Variants in DNAJC16 observed in about 807,000 individuals in gnomAD.
DNAJC16 encodes DnaJ heat shock protein family (Hsp40) member C16, also known as dnaJ homolog subfamily C member 16.
In DNAJC16, 76 loss-of-function variants were observed where a neutral mutation model predicts 92.7. That is an observed-to-expected ratio of 0.82 (90% confidence interval 0.68 to 0.99). DNAJC16 has a LOEUF of 0.99. Among genes scored for constraint, DNAJC16 ranks in the 50% least tolerant of loss-of-function variants. DNAJC16 has a pLI of 0.00. For missense variants in DNAJC16, 869 were observed against 942.4 expected, an observed-to-expected ratio of 0.92 and a Z score of 1.02; for synonymous variants, 328 against 358.7, an observed-to-expected ratio of 0.91 and a Z score of 0.97.
Position 15,540,739 on chromosome 1 carries a change from C to G in DNAJC16, c.575-3660C>G, listed in dbSNP as rs547322014. ...GGCATGAATCACCGTGCCCAGCCAA[C>G]TTTTCAGTTTCTAATTCAGGTTTCT... On this transcript the variant is annotated intron_variant, in intron 4 of 14. Transcript: ENST00000375847. 4.0e-4 allele frequency among the ~76,000 whole-genome samples: 61 copies of G among 152,274 alleles called. 1 individual carries two copies. Among genetic ancestry groups the G allele is most frequent in the African/African-American group, 1.4e-3 (59 of 41,550 alleles).
chr1:15,566,552 C>G, intron 13 of DNAJC16: 1 of 220,150 alleles, frequency 4.5e-6, no homozygotes, highest in Non-Finnish European at 9.1e-6. Flanking sequence ...TGATAGTTGT[C>G]TTCTTCATTC....
Position 15,544,588 on chromosome 1 carries a change from G to A in DNAJC16, c.759+5G>A. The A allele has an allele frequency of 6.2e-7, 1 of 1,613,898 alleles. No homozygotes were observed. Among genetic ancestry groups the A allele is most frequent in the Admixed American group, 1.7e-5 (1 of 60,012 alleles). ...CCAGGGAACTTGGTGGAGAAAGTAAGTATCTGTCAAGGAAACTATGGCTGA... is the reference window on the plus strand; with the variant it reads ...CCAGGGAACTTGGTGGAGAAAGTAAATATCTGTCAAGGAAACTATGGCTGA... On this transcript the variant is annotated splice_donor_5th_base_variant and intron_variant, in intron 5 of 14. Transcript: ENST00000375847.
At chr1:15,566,883 CAAAAA>C (rs904040369) in intron 13 of DNAJC16, among the ~76,000 whole-genome samples, 21 of 152,030 alleles carry the variant, frequency 1.4e-4, no homozygotes, top group Non-Finnish European at 2.8e-4. Context: ...GAACCTATCT[CAAAAA>C]GAAAAAGAAA....
At chr1:15,566,222 CCCCCCAGAT>C in intron 13 of DNAJC16, 42 bp downstream of exon 13, 1 of 1,478,908 alleles carries the variant, frequency 6.8e-7, no homozygotes, top group Non-Finnish European at 9.4e-7. Context: ...CCGGCACCTG[CCCCCCAGAT>C]CCTGTCATCT....
chr1:15,543,566 G>A (rs1488646630), intron 4 of DNAJC16, among the ~76,000 whole-genome samples: 3 of 152,178 alleles, frequency 2.0e-5, no homozygotes, highest in East Asian at 3.9e-4. Context: ...GCAGGGTTTG[G>A]GCAGAGGAGT....
At chr1:15,534,411 A>T (rs1710733904) in intron 3 of DNAJC16, 108 bp downstream of exon 3, 4 of 1,131,186 alleles carry the variant, frequency 3.5e-6, no homozygotes, top group Non-Finnish European at 5.1e-6. Context: ...CATGCCCTTG[A>T]TGCAGTTTCT....
chr1:15,532,702 T>C (rs1218441821), intron 2 of DNAJC16, among the ~76,000 whole-genome samples: 1 of 147,104 alleles, frequency 6.8e-6, no homozygotes, highest in African/African-American at 2.5e-5. Flanking sequence ...TTGGTATTTT[T>C]GTGTTTTTTT....
intron 8 of DNAJC16, among the ~76,000 whole-genome samples, chr1:15,560,702 A>G (rs1474081387): frequency 2.0e-5 from 3 of 152,192 alleles, no homozygotes; most frequent in Non-Finnish European, 2.9e-5. Context: ...TTAAATATAA[A>G]AAAAGAATAT....
At chr1:15,546,734 A>G in intron 5 of DNAJC16, 33 bp from the exon 6 acceptor site, 2 of 1,509,006 alleles carry the variant, frequency 1.3e-6, no homozygotes, top group Non-Finnish European at 1.8e-6. Context: ...TAAGAATTAA[A>G]TATTGAGACT....
At chr1:15,567,336 G>C in intron 14 of DNAJC16, 67 bp downstream of exon 14, 1 of 1,514,164 alleles carries the variant, frequency 6.6e-7, no homozygotes. Context: ...CACTGAAATT[G>C]CACGCTTTTC....
chr1:15,564,131 A>G lies in DNAJC16; in HGVS notation c.1521+20A>G. ...GCCCCTGTGAGCATCGGGGCTGGGA[A>G]GGGTGGGACACCAGGAGGGCTTGTG... is the stretch of plus-strand genomic sequence containing the variant. On this transcript the variant is annotated intron_variant, in intron 10 of 14. Coordinates refer to ENST00000375847, the MANE Select transcript of DNAJC16 (RefSeq NM_015291.4). The G allele has an allele frequency of 6.7e-7, 1 of 1,495,616 alleles. No homozygotes were observed. Among genetic ancestry groups the G allele is most frequent in the South Asian group, 1.1e-5 (1 of 89,096 alleles). 92.6% of individuals were successfully genotyped at this position (1,495,616 alleles called of 1,614,324 possible).
chr1:15,557,615 T>G (rs1376498285), intron 7 of DNAJC16, among the ~76,000 whole-genome samples: 2 of 152,148 alleles, frequency 1.3e-5, no homozygotes, highest in Non-Finnish European at 2.9e-5. Context: ...TTATGTTAAT[T>G]GTAAAATTCC....
intron 5 of DNAJC16, 37 bp downstream of exon 5, chr1:15,544,620 G>A: frequency 1.2e-6 from 2 of 1,603,476 alleles, no homozygotes; most frequent in Non-Finnish European, 1.7e-6. Flanking sequence ...CTGAGAAGTA[G>A]TTTAAGAGGT....
Position 15,562,144 on chromosome 1 carries a change from A to C in DNAJC16, c.1157A>C (p.Tyr386Ser). Residue 386 changes from tyrosine (Y) to serine (S), a missense_variant and splice_region_variant, in exon 9 of 15, where the codon TAC becomes TCC. Physicochemically the swap from Tyr to Ser is moderately radical, Grantham distance 144. Transcript: ENST00000375847. ...PVKRSHRQRK[Y>S]CVVLLTAETT... ...AGTTTTGTCTTTTTGTTGTGCAGGTACTGTGTGGTTTTATTGACTGCTGAG... is the reference window on the plus strand; with the variant it reads ...AGTTTTGTCTTTTTGTTGTGCAGGTCCTGTGTGGTTTTATTGACTGCTGAG... The C allele has an allele frequency of 6.2e-7, 1 of 1,613,306 alleles. No individual in the cohort carries two copies. Among genetic ancestry groups the C allele is most frequent in the Non-Finnish European group, 8.5e-7 (1 of 1,179,448 alleles).
At chr1:15,557,428 C>T (rs1015265516) in intron 7 of DNAJC16, among the ~76,000 whole-genome samples, 2 of 152,072 alleles carry the variant, frequency 1.3e-5, no homozygotes, top group African/African-American at 2.4e-5. Flanking sequence ...AGAGGCTTGT[C>T]GATTGTATTA....
intron 4 of DNAJC16, among the ~76,000 whole-genome samples, chr1:15,537,166 T>A (rs1429960217): frequency 6.6e-6 from 1 of 152,202 alleles, no homozygotes; most frequent in Non-Finnish European, 1.5e-5. Context: ...GCAGGTTTTT[T>A]AAATTGCCTA....
rs116019892 is a variant in DNAJC16, at chr1:15,568,044, G to A, written c.2216G>A (p.Arg739Gln). 49 of 1,614,180 alleles carry A rather than the reference G, an allele frequency of 3.0e-5. No individual in the cohort carries two copies. The highest frequency in any genetic ancestry group is 2.0e-4 in the South Asian group (18 of 91,084). The change falls in exon 15 of 15, where the codon CGA becomes CAA. Residue 739 changes from arginine (R) to glutamine (Q), a missense_variant. By Grantham distance (43) the Arg-to-Gln change is conservative. Transcript: ENST00000375847. ...TCTTCCCTCTACCTGGGTGAATCTC[G>A]AGGGAAACCTTCCTGTGGCCTTGGA... ...VDSSLYLGES[R>Q]GKPSCGLGSR...
intron 5 of DNAJC16, 85 bp from the exon 6 acceptor site, chr1:15,546,682 T>TGA: frequency 9.2e-7 from 1 of 1,086,234 alleles, no homozygotes. Context: ...TACACTTACT[T>TGA]GATTTGTTTA....
At chr1:15,536,072 CTTTT>C (rs758451008) in intron 3 of DNAJC16, among the ~76,000 whole-genome samples, 7 of 84,606 alleles carry the variant, frequency 8.3e-5, no homozygotes, top group Non-Finnish European at 1.4e-4. Flanking sequence ...CTTTTCTTTT[CTTTT>C]TTTTTTTTTT....
Sources: allele counts gnomAD v4.1 joint callset (sites outside exome capture counted in the v4.1 genomes callset), GRCh38; gene constraint gnomAD v4.1.1; transcripts MANE v1.5; gene names NCBI Gene and HGNC (gene_info 2026-07-23, HGNC 2026-07-21).